Variants in TMEM38B observed in about 807,000 individuals in gnomAD.
TMEM38B encodes the protein transmembrane protein 38B.
A neutral mutation model predicts 28.7 loss-of-function variants in TMEM38B; 24 were observed. The observed-to-expected ratio is 0.84, with a 90% CI of 0.61 to 1.18. TMEM38B has a LOEUF of 1.18. TMEM38B is among the 50% of genes most tolerant of loss of function. TMEM38B has a pLI of 0.00. For missense variants in TMEM38B, 380 were observed against 350.9 expected, an observed-to-expected ratio of 1.08 and a Z score of -0.66; for synonymous variants, 131 against 127.7, an observed-to-expected ratio of 1.03 and a Z score of -0.17.
rs915065088 is a variant in TMEM38B at position 105,710,660 on chromosome 9, C to A, written c.269+4907C>A. 7.0e-6 allele frequency: 5 copies of A among 718,430 alleles called. 1 individual carries two copies. The highest frequency in any genetic ancestry group is 5.2e-5 in the African/African-American group (3 of 57,468). The allele number at this position is 718,430 out of a possible 1,614,324, so 44.5% of individuals were successfully genotyped here. Reference sequence around the variant, plus strand: ...TGGTGAGTGTGGAAATCAAGTGGAACATACACATCAACTATAGGATCATAA... The same window carrying A: ...TGGTGAGTGTGGAAATCAAGTGGAAAATACACATCAACTATAGGATCATAA... On this transcript the variant is annotated intron_variant, in intron 2 of 5. Transcript: ENST00000374692.
intron 2 of TMEM38B, among the ~76,000 whole-genome samples, chr9:105,706,731 G>T (rs1477006161): frequency 1.3e-5 from 2 of 151,940 alleles, no homozygotes; most frequent in African/African-American, 4.8e-5. Flanking sequence ...GGGGGCGGGG[G>T]TGTCTGGAGC....
At chr9:105,718,822 T>C (rs1588411574) in intron 2 of TMEM38B, among the ~76,000 whole-genome samples, 1 of 152,204 alleles carries the variant, frequency 6.6e-6, no homozygotes, top group East Asian at 1.9e-4. Flanking sequence ...ATCAATTACT[T>C]ATATATGGCA....
At position 105,748,087 on chromosome 9, in the gene TMEM38B, C is replaced by G; in HGVS notation, c.557C>G (p.Thr186Ser). Residue 186 changes from threonine (T) to serine (S), a missense_variant, in exon 5 of 6, where the codon ACC becomes AGC. Transcript: ENST00000374692. Reference sequence around the variant, plus strand: ...TTTATTTTCAGCCCTGCCAAGGTAACCCTGCTGGGGTCAGTTATCTTCACA... The same window carrying G: ...TTTATTTTCAGCCCTGCCAAGGTAAGCCTGCTGGGGTCAGTTATCTTCACA... Reference protein sequence around the residue: ...WLKMSYPAKVTLLGSVIFTFQ... With the variant: ...WLKMSYPAKVSLLGSVIFTFQ... 1 of 1,612,710 alleles carries G rather than the reference C, an allele frequency of 6.2e-7. No homozygotes were observed. Among genetic ancestry groups the G allele is most frequent in the Non-Finnish European group, 8.5e-7 (1 of 1,179,178 alleles).
At chr9:105,700,224 A>G (rs1176942217) in intron 1 of TMEM38B, among the ~76,000 whole-genome samples, 3 of 152,196 alleles carry the variant, frequency 2.0e-5, no homozygotes, top group African/African-American at 7.2e-5. Flanking sequence ...GGATACCGCC[A>G]TGAAAGATGC....
chr9:105,721,997 G>A (rs577871041), intron 3 of TMEM38B, among the ~76,000 whole-genome samples: 3 of 152,198 alleles, frequency 2.0e-5, no homozygotes, highest in South Asian at 4.2e-4. Context: ...GTTAATTAAG[G>A]TATAGTGCCT....
intron 4 of TMEM38B, among the ~76,000 whole-genome samples, chr9:105,734,752 C>T (rs1391814316): frequency 6.6e-6 from 1 of 151,996 alleles, no homozygotes; most frequent in Non-Finnish European, 1.5e-5. Flanking sequence ...ATACCCACCT[C>T]TGCTCTTTTT....
At chr9:105,752,466 A>C (rs1333442264) in intron 5 of TMEM38B, among the ~76,000 whole-genome samples, 2 of 152,170 alleles carry the variant, frequency 1.3e-5, no homozygotes, top group Non-Finnish European at 1.5e-5. Flanking sequence ...CTTCCAGAGG[A>C]AGGAGCTGGC....
chr9:105,732,564 GA>G (rs1288916319), intron 4 of TMEM38B, among the ~76,000 whole-genome samples: 1 of 152,118 alleles, frequency 6.6e-6, no homozygotes, highest in African/African-American at 2.4e-5. Context: ...ATTAAATAGG[GA>G]ATCCTTTCCC....
chr9:105,754,190 G>A (rs1837754192), intron 5 of TMEM38B, among the ~76,000 whole-genome samples: 1 of 152,116 alleles, frequency 6.6e-6, no homozygotes, highest in African/African-American at 2.4e-5. Flanking sequence ...CAATAATAGT[G>A]GGAGACTTTA....
At chr9:105,744,701 A>G (rs1030271832) in intron 4 of TMEM38B, among the ~76,000 whole-genome samples, 1 of 151,826 alleles carries the variant, frequency 6.6e-6, no homozygotes, top group Admixed American at 6.6e-5. Flanking sequence ...TCGTCATTTA[A>G]CATTAGGTAT....
Position 105,773,857 on chromosome 9 carries a change from T to C in TMEM38B, c.661-8T>C, listed in dbSNP as rs762245643. The C allele has an allele frequency of 4.4e-6, 7 of 1,593,614 alleles. No individual in the cohort carries two copies. Among genetic ancestry groups the C allele is most frequent in the Admixed American group, 3.5e-5 (2 of 56,632 alleles). ...ATTTAAATTCAAAATTAAACTTTTT[T>C]CCCCCAGATAACCATGATGACTACA... On this transcript the variant is annotated splice_polypyrimidine_tract_variant and splice_region_variant and intron_variant, in intron 5 of 5. Coordinates refer to ENST00000374692, the MANE Select transcript of TMEM38B (RefSeq NM_018112.3).
intron 4 of TMEM38B, among the ~76,000 whole-genome samples, chr9:105,746,423 A>AT (rs1837394960): frequency 6.6e-6 from 1 of 152,168 alleles, no homozygotes; most frequent in Admixed American, 6.5e-5. Context: ...TTGCACATTG[A>AT]TTTTGTATCC....
intron 1 of TMEM38B, among the ~76,000 whole-genome samples, chr9:105,700,059 A>G (rs187158231): frequency 6.6e-6 from 1 of 152,338 alleles, no homozygotes; most frequent in African/African-American, 2.4e-5. Flanking sequence ...TTTGTGTAAG[A>G]CTTCCTGACT....
chr9:105,705,559 A>G (rs777703204), intron 1 of TMEM38B, 38 bp from the exon 2 acceptor site: 3 of 1,575,842 alleles, frequency 1.9e-6, no homozygotes, highest in Non-Finnish European at 1.7e-6. Flanking sequence ...TAATAAATGT[A>G]TAATGATCAC....
In TMEM38B at chr9:105,762,103, T is replaced by C. The variant is rs1435764915; in HGVS notation, c.661-11762T>C. Reference sequence around the variant, plus strand: ...TGCCTGGGTTGCAATAAAATCTTAATGTTTAATGACTATTCTCATTTCTCA... The same window carrying C: ...TGCCTGGGTTGCAATAAAATCTTAACGTTTAATGACTATTCTCATTTCTCA... On this transcript the variant is annotated intron_variant, in intron 5 of 5. Transcript: ENST00000374692. Among the ~76,000 whole-genome samples, 3 of 152,112 alleles carry C rather than the reference T, an allele frequency of 2.0e-5. No homozygotes were observed. In the East Asian group the frequency reaches 5.8e-4, roughly 29 times the overall value.
chr9:105,748,032 A>G (rs1837492552), intron 4 of TMEM38B, 41 bp from the exon 5 acceptor site: 5 of 1,343,748 alleles, frequency 3.7e-6, no homozygotes, highest in East Asian at 2.3e-5. Flanking sequence ...GAGATATGTC[A>G]TATTTATTAC....
intron 1 of TMEM38B, among the ~76,000 whole-genome samples, chr9:105,696,369 A>G (rs1835289236): frequency 6.6e-6 from 1 of 152,226 alleles, no homozygotes; most frequent in South Asian, 2.1e-4. Flanking sequence ...CAGTGCTGCA[A>G]CCTGTGCCTC....
At chr9:105,695,746 T>C (rs1483686448) in intron 1 of TMEM38B, among the ~76,000 whole-genome samples, 2 of 152,226 alleles carry the variant, frequency 1.3e-5, no homozygotes, top group African/African-American at 2.4e-5. Context: ...ATCTTTCTTA[T>C]GGACTACTTA....
At chr9:105,725,757 G>T (rs941729120) in intron 4 of TMEM38B, among the ~76,000 whole-genome samples, 2 of 152,086 alleles carry the variant, frequency 1.3e-5, no homozygotes, top group African/African-American at 4.8e-5. Context: ...TGATACACTT[G>T]TATAGGGTAC....
Sources: allele counts gnomAD v4.1 joint callset (sites outside exome capture counted in the v4.1 genomes callset), GRCh38; gene constraint gnomAD v4.1.1; transcripts MANE v1.5; gene names NCBI Gene and HGNC (gene_info 2026-07-23, HGNC 2026-07-21).